The following IGF2BP2 variants were observed in gnomAD, a reference collection of about 807,000 sequenced individuals.
The protein encoded by IGF2BP2 is insulin like growth factor 2 mRNA binding protein 2.
Under a neutral mutation model 75.8 loss-of-function variants are expected in IGF2BP2, and 17 were observed. That is an observed-to-expected ratio of 0.22 (90% CI 0.15 to 0.34). The LOEUF is 0.34. Among genes scored for constraint, IGF2BP2 ranks in the 10% least tolerant of loss-of-function variants. The probability of loss-of-function intolerance (pLI) is 1.00; values close to 1 mark genes in which losing one functional copy is unlikely to be tolerated. For synonymous variants in IGF2BP2, 288 were observed against 295.6 expected, an observed-to-expected ratio of 0.97 and a Z score of 0.26; for missense variants, 516 against 772.4, an observed-to-expected ratio of 0.67 and a Z score of 3.93.
chr3:185,680,432 G>A (rs929964071), intron 7 of IGF2BP2, among the ~76,000 whole-genome samples: 7 of 152,128 alleles, frequency 4.6e-5, no homozygotes, highest in African/African-American at 1.7e-4. Flanking sequence ...GAAGAGGAGG[G>A]AACATTTCCA....
At chr3:185,791,246 CAATA>C (rs1475446823) in intron 2 of IGF2BP2, among the ~76,000 whole-genome samples, 1 of 152,202 alleles carries the variant, frequency 6.6e-6, no homozygotes, top group Non-Finnish European at 1.5e-5. Flanking sequence ...ATAAAAAGAT[CAATA>C]AATAAATCCA....
At chr3:185,660,474 T>G (rs1192048292) in intron 10 of IGF2BP2, among the ~76,000 whole-genome samples, 1 of 152,204 alleles carries the variant, frequency 6.6e-6, no homozygotes, top group Non-Finnish European at 1.5e-5. Flanking sequence ...GGCAGAGATG[T>G]GAACAACTTG....
At chr3:185,823,734 C>T (rs962835542) in intron 1 of IGF2BP2, among the ~76,000 whole-genome samples, 1 of 151,972 alleles carries the variant, frequency 6.6e-6, no homozygotes, top group Non-Finnish European at 1.5e-5. Context: ...GCCGCCCCGC[C>T]CCCACTCCAC....
intron 2 of IGF2BP2, among the ~76,000 whole-genome samples, chr3:185,757,459 C>CTTTTTTTTTTTT (rs57417087): frequency 1.0e-5 from 1 of 99,610 alleles, no homozygotes; most frequent in Admixed American, 1.2e-4. Flanking sequence ...ATATCTCATA[C>CTTTTTTTTTTTT]TTTTTTTTTT....
chr3:185,747,939 T>A (rs1170212622), intron 2 of IGF2BP2, among the ~76,000 whole-genome samples: 2 of 151,878 alleles, frequency 1.3e-5, no homozygotes, highest in African/African-American at 2.4e-5. Context: ...CACTGCAACC[T>A]CCACCTCCCA....
At chr3:185,767,998 G>A (rs916412712) in intron 2 of IGF2BP2, 5 of 152,014 alleles carry the variant, frequency 3.3e-5, no homozygotes, top group African/African-American at 1.2e-4. Context: ...TCTGAAATGT[G>A]GACAATTACC....
chr3:185,732,333 C>T (rs1728303771), intron 2 of IGF2BP2, among the ~76,000 whole-genome samples: 1 of 152,196 alleles, frequency 6.6e-6, no homozygotes, highest in Admixed American at 6.5e-5. Flanking sequence ...AACTCCCTAA[C>T]ATGCACCAAC....
chr3:185,677,019 GGA>G (rs747454214), intron 7 of IGF2BP2, among the ~76,000 whole-genome samples: 20,437 of 61,796 alleles, frequency 0.33, 3,526 homozygotes, highest in South Asian at 0.47. Flanking sequence ...TTATATATAT[GGA>G]GAGAGATATA....
intron 3 of IGF2BP2, 26 bp downstream of exon 3, chr3:185,698,273 C>T: frequency 6.3e-7 from 1 of 1,598,674 alleles, no homozygotes; most frequent in Non-Finnish European, 8.6e-7. Flanking sequence ...GTCTCATCAA[C>T]CCATTAAAAA....
At chr3:185,655,044 T>C (rs1014538404) in intron 12 of IGF2BP2, among the ~76,000 whole-genome samples, 2 of 152,072 alleles carry the variant, frequency 1.3e-5, no homozygotes, top group Admixed American at 6.6e-5. Flanking sequence ...ATCTCTGGAG[T>C]TAGTGAGATC....
intron 2 of IGF2BP2, among the ~76,000 whole-genome samples, chr3:185,816,256 G>A (rs1464363486): frequency 2.0e-5 from 3 of 152,188 alleles, no homozygotes; most frequent in South Asian, 2.1e-4. Flanking sequence ...CACAACTGCC[G>A]AAAAAAGCAA....
At chr3:185,787,919 C>T (rs2149838875) in intron 2 of IGF2BP2, among the ~76,000 whole-genome samples, 1 of 152,134 alleles carries the variant, frequency 6.6e-6, no homozygotes, top group East Asian at 1.9e-4. Flanking sequence ...TAAACAATTA[C>T]TTAAAGGTAA....
chr3:185,708,136 C>T (rs1174768087), intron 2 of IGF2BP2, among the ~76,000 whole-genome samples: 1 of 152,182 alleles, frequency 6.6e-6, no homozygotes, highest in African/African-American at 2.4e-5. Context: ...CACTGAGGAG[C>T]TGATGAGTCC....
chr3:185,657,254 A>G, intron 12 of IGF2BP2, 32 bp downstream of exon 12: 1 of 1,492,674 alleles, frequency 6.7e-7, no homozygotes, highest in Non-Finnish European at 9.3e-7. Flanking sequence ...GAGGTGGTAG[A>G]AGGGCCACAG....
intron 2 of IGF2BP2, among the ~76,000 whole-genome samples, chr3:185,762,335 C>G (rs1245232015): frequency 6.7e-6 from 1 of 148,478 alleles, no homozygotes; most frequent in East Asian, 2.0e-4. Flanking sequence ...CGAGACCAGC[C>G]TGGCCAACAT....
intron 2 of IGF2BP2, among the ~76,000 whole-genome samples, chr3:185,810,626 T>C (rs1739670384): frequency 6.6e-6 from 1 of 152,016 alleles, no homozygotes; most frequent in Admixed American, 6.6e-5. Flanking sequence ...ATACAAAAAT[T>C]AGCCAAGCGT....
chr3:185,806,597 T>C (rs1416806905), intron 2 of IGF2BP2, among the ~76,000 whole-genome samples: 1 of 152,230 alleles, frequency 6.6e-6, no homozygotes, highest in East Asian at 1.9e-4. Context: ...AAAACTTGAC[T>C]ATTATACACT....
At chr3:185,762,448 G>A (rs1411461312) in intron 2 of IGF2BP2, among the ~76,000 whole-genome samples, 2 of 148,750 alleles carry the variant, frequency 1.3e-5, no homozygotes, top group Admixed American at 6.7e-5. Flanking sequence ...CAGGAGAATC[G>A]CTTGAACCTA....
chr3:185,779,275 T>C (rs956325252), intron 2 of IGF2BP2, among the ~76,000 whole-genome samples: 1 of 152,118 alleles, frequency 6.6e-6, no homozygotes. Flanking sequence ...TAAAGGGATC[T>C]TTCTTCTATT....
Sources: allele counts gnomAD v4.1 joint callset (sites outside exome capture counted in the v4.1 genomes callset), GRCh38; gene constraint gnomAD v4.1.1; transcripts MANE v1.5; gene names NCBI Gene and HGNC (gene_info 2026-07-23, HGNC 2026-07-21).